The following PKD1 variants were observed in gnomAD, a reference collection of about 807,000 sequenced individuals.
PKD1 encodes the protein polycystin 1, transient receptor potential channel interacting, also known as polycystin-1.
In PKD1, 81 loss-of-function variants were observed where a neutral mutation model predicts 361.7. That is an observed-to-expected ratio of 0.22 (90% CI 0.19 to 0.27). The LOEUF (loss-of-function observed/expected upper bound fraction) is 0.27, where lower values mean the gene tolerates loss of function less well. PKD1 is among the 10% of genes least tolerant of loss of function. The pLI, the probability that PKD1 is intolerant of heterozygous loss-of-function variation, is 1.00. For missense variants in PKD1, 6,399 were observed against 6,118.3 expected (o/e 1.05, Z -1.53); for synonymous variants, 3,615 against 2,818.3 (o/e 1.28, Z -8.95).
rs1230521725 is a variant in PKD1 at position 2,103,608 on chromosome 16, C to T, written c.8449G>A (p.Ala2817Thr). The change falls in exon 23 of 46, where the codon GCC becomes ACC. Residue 2817 changes from alanine to threonine, a missense_variant. Ala to Thr is a moderately conservative substitution (Grantham distance 58, BLOSUM62 0). Transcript: ENST00000262304. ...AGCTGCACCACGTCACTGAGGTTGG[C>T]CAGGGCCCCGCTGAAAGCCTCGGGG... ...SIPEAFSGAL[A>T]NLSDVVQLIF... 6.2e-7 allele frequency: 1 copy of T among 1,610,470 alleles called. No homozygotes were observed. Among genetic ancestry groups the T allele is most frequent in the Middle Eastern group, 2.3e-4 (1 of 4,430 alleles).
At position 2,112,971 on chromosome 16, in the gene PKD1, G is replaced by A. The variant is rs1359753339; in HGVS notation, c.2986-8C>T. ...GTGGTTGGAGGCCGTCAGCTGCAGG[G>A]ACAGGCGTCAGTGAGCCCAGGTGGC... On this transcript the variant is annotated splice_polypyrimidine_tract_variant and splice_region_variant and intron_variant, in intron 12 of 45. Coordinates refer to ENST00000262304, the MANE Select transcript of PKD1 (RefSeq NM_001009944.3). 15 of 1,597,602 alleles carry A rather than the reference G, an allele frequency of 9.4e-6. No individual in the cohort carries two copies. The highest frequency in any genetic ancestry group is 2.2e-4 in the Middle Eastern group (1 of 4,448).
chr16:2,093,316 C>A (rs1049714126), intron 37 of PKD1: 1 of 676,330 alleles, frequency 1.5e-6, no homozygotes, highest in Non-Finnish European at 2.5e-6. Context: ...TGCTTAGGGG[C>A]CTTCAGGGCC....
chr16:2,103,242 G>A (rs759899725), intron 23 of PKD1, 24 bp downstream of exon 23: 14 of 1,607,750 alleles, frequency 8.7e-6, no homozygotes, highest in Middle Eastern at 4.5e-4. Context: ...AGGGGGCCGC[G>A]TGTGCCCCAC....
rs1422578175 is a variant in PKD1, at chr16:2,099,724, C to T, written c.9970G>A (p.Ala3324Thr). 59 of 1,570,070 alleles carry T rather than the reference C, an allele frequency of 3.8e-5. No homozygotes were observed. The highest frequency in any genetic ancestry group is 4.7e-5 in the Non-Finnish European group (55 of 1,160,042). Reference protein sequence around the residue: ...RLSPLSVDTVAVGLVSSVVVY... With the variant: ...RLSPLSVDTVTVGLVSSVVVY... The stretch of plus-strand genomic sequence containing the variant: ...ACCACGCTGGACACCAGGCCAACAG[C>T]GACTGTGTCGACGCTCAGCGGGCTC... The change falls in exon 30 of 46, where the codon GCT becomes ACT. Residue 3324 changes from alanine (A) to threonine (T), a missense_variant. By Grantham distance (58) the Ala-to-Thr change is moderately conservative. Coordinates refer to ENST00000262304, the MANE Select transcript of PKD1 (RefSeq NM_001009944.3).
Position 2,110,570 on chromosome 16 carries a change from C to A in PKD1, c.4597G>T (p.Val1533Leu), listed in dbSNP as rs778977119. ...TTGAGCCAGGCCTCGCTGCGGCTCA[C>A]CTCATTCCAGCCGGCCACCCTAACG... ...FTVRVAGWNE[V>L]SRSEAWLNVT... Residue 1533 changes from valine (V) to leucine (L), a missense_variant, in exon 15 of 46, where the codon GTG (valine) becomes TTG (leucine). Coordinates refer to ENST00000262304, the MANE Select transcript of PKD1 (RefSeq NM_001009944.3). 6.2e-7 allele frequency: 1 copy of A among 1,611,132 alleles called. No individual in the cohort carries two copies. Among genetic ancestry groups the A allele is most frequent in the African/African-American group, 1.3e-5 (1 of 74,996 alleles).
rs762974428 is a variant in PKD1 at position 2,114,646 on chromosome 16, G to A, written c.2377C>T (p.Pro793Ser). Residue 793 changes from proline to serine, a missense_variant, in exon 11 of 46, where the codon CCT (proline) becomes TCT (serine). Transcript: ENST00000262304. ...TCTGCCCGGACCTCATAGCGCCCAG[G>A]CAGCCGCAGTCCAGGGTTGGGCCTC... ...GLRPNPGLRL[P>S]GRYEVRAEVG... The A allele has an allele frequency of 3.8e-6, 6 of 1,559,312 alleles. No homozygotes were observed. Among genetic ancestry groups the A allele is most frequent in the Admixed American group, 3.7e-5 (2 of 54,180 alleles).
Position 2,091,566 on chromosome 16 carries a change from A to G in PKD1, c.11569T>C (p.Tyr3857His). 1 of 1,544,384 alleles carries G rather than the reference A, an allele frequency of 6.5e-7. No individual in the cohort carries two copies. The highest frequency in any genetic ancestry group is 8.7e-7 in the Non-Finnish European group (1 of 1,155,714). The change falls in exon 42 of 46, where the codon TAC becomes CAC. Residue 3857 changes from tyrosine to histidine, a missense_variant. Tyr to His is a moderately conservative substitution (Grantham distance 83, BLOSUM62 2). Coordinates refer to ENST00000262304, the MANE Select transcript of PKD1 (RefSeq NM_001009944.3). ...SRAVFLELTR[Y>H]SPAVGLHAAV... is the part of the protein sequence containing the mutation. ...GCGTGCAGCCCCACGGCCGGGCTGT[A>G]GCGCGTGAGCTCCAGGAACACAGCG...
At chr16:2,093,761 G>C (rs774369120) in intron 36 of PKD1, 23 bp from the exon 37 acceptor site, 17 of 1,566,330 alleles carry the variant, frequency 1.1e-5, no homozygotes, top group Admixed American at 1.8e-5. Flanking sequence ...TGGCTTCAGA[G>C]GGGTCCCCCG....
chr16:2,091,769 G>T lies in PKD1; in HGVS notation c.11537+12C>A, dbSNP rs1400762637. 6.2e-7 allele frequency: 1 copy of T among 1,609,834 alleles called. No individual in the cohort carries two copies. The highest frequency in any genetic ancestry group is 8.5e-7 in the Non-Finnish European group (1 of 1,179,242). The stretch of plus-strand genomic sequence containing the variant: ...CGGCCACCCCGGAGAGGGCAGGGGA[G>T]GGAGCTCCCACCTGTTGTCCAGCCA... On this transcript the variant is annotated intron_variant, in intron 41 of 45. Transcript: ENST00000262304.
chr16:2,088,910 T>A lies in PKD1; in HGVS notation c.*817A>T. ...ACACACACACACACAGTCACCTTCC[T>A]CCACCCTGGGAGCCAGCCCCCAGGA... On this transcript the variant is annotated 3_prime_UTR_variant, in exon 46 of 46. Transcript: ENST00000262304. The A allele has an allele frequency of 2.5e-6, 1 of 400,374 alleles. No homozygotes were observed. The allele number at this position is 400,374 out of a possible 1,614,324, so 24.8% of individuals were successfully genotyped here. A position where few individuals can be genotyped will look rare whatever the true frequency, so the allele number is the denominator to read the frequency against.
rs376160782 is a variant in PKD1 at position 2,102,547 on chromosome 16, G to A, written c.9035C>T (p.Thr3012Met). The change falls in exon 25 of 46, where the codon ACG (threonine) becomes ATG (methionine). Residue 3012 changes from threonine to methionine, a missense_variant. Coordinates refer to ENST00000262304, the MANE Select transcript of PKD1 (RefSeq NM_001009944.3). ...CTCGCTGAAGTACTGGCACAGGGAC[G>A]TGTACAGGCCCACGGACACCTGCAG... ...SALQVSVGLY[T>M]SLCQYFSEED... The A allele has an allele frequency of 9.7e-5, 157 of 1,610,486 alleles. 1 individual carries two copies. Among genetic ancestry groups the A allele is most frequent in the Middle Eastern group, 6.4e-4 (3 of 4,718 alleles).
At position 2,110,623 on chromosome 16, in the gene PKD1, T is replaced by G. The variant is rs2092477293; in HGVS notation, c.4544A>C (p.His1515Pro). 1 of 1,610,208 alleles carries G rather than the reference T, an allele frequency of 6.2e-7. No individual in the cohort carries two copies. ...GGWLEGPEVT[H>P]AYNSTGDFTV... Reference sequence around the variant, plus strand: ...GAAGTCACCTGTGCTGTTGTAAGCGTGGGTGACCTCCGGACCCTCGAGCCA... The same window carrying G: ...GAAGTCACCTGTGCTGTTGTAAGCGGGGGTGACCTCCGGACCCTCGAGCCA... Residue 1515 changes from histidine to proline, a missense_variant, in exon 15 of 46, where the codon CAC becomes CCC. Physicochemically the swap from His to Pro is moderately conservative, Grantham distance 77 (BLOSUM62 -2). Transcript: ENST00000262304.
rs2549675 is a variant in PKD1, at chr16:2,114,427, C to T, written c.2596G>A (p.Val866Ile). Residue 866 changes from valine to isoleucine, a missense_variant, in exon 11 of 46, where the codon GTC (valine) becomes ATC (isoleucine). Val to Ile is a conservative substitution (Grantham distance 29). Coordinates refer to ENST00000262304, the MANE Select transcript of PKD1 (RefSeq NM_001009944.3). Reference sequence around the variant, plus strand: ...CAGACATTCTCAAAGCGGGCGCTGACACTGCCCCCAGGCCAGCGAGCCGTG... The same window carrying T: ...CAGACATTCTCAAAGCGGGCGCTGATACTGCCCCCAGGCCAGCGAGCCGTG... ...TATARWPGGS[V>I]SARFENVCPA... 1 of 1,601,770 alleles carries T rather than the reference C, an allele frequency of 6.2e-7. No homozygotes were observed. The highest frequency in any genetic ancestry group is 8.5e-7 in the Non-Finnish European group (1 of 1,179,570).
rs369291413 is a variant in PKD1, at chr16:2,091,170, C to G, written c.11717G>C (p.Cys3906Ser). The change falls in exon 43 of 46, where the codon TGC (cysteine) becomes TCC (serine). Residue 3906 changes from cysteine (C) to serine (S), a missense_variant. Physicochemically the swap from Cys to Ser is moderately radical, Grantham distance 112. Coordinates refer to ENST00000262304, the MANE Select transcript of PKD1 (RefSeq NM_001009944.3). ...GLSLPLLTSV[C>S]LLLFAVHFAV... ...GAAGTGCACGGCGAACAGCAGCAGGCACACCTGTGGGGGGCGCGGTCAGGA... is the reference window on the plus strand; with the variant it reads ...GAAGTGCACGGCGAACAGCAGCAGGGACACCTGTGGGGGGCGCGGTCAGGA... The G allele has an allele frequency of 2.2e-6, 3 of 1,393,316 alleles. No individual in the cohort carries two copies. Among genetic ancestry groups the G allele is most frequent in the South Asian group, 1.4e-5 (1 of 73,502 alleles). 86.3% of individuals were successfully genotyped at this position (1,393,316 alleles called of 1,614,324 possible). A position where few individuals can be genotyped will look rare whatever the true frequency, so the allele number is the denominator to read the frequency against.
rs370498086 is a variant in PKD1 at position 2,097,358 on chromosome 16, C to T, written c.10366G>A (p.Ala3456Thr). ...GATTTGGCAGGCGAGTAGGGGCTGGCCAGGGAGAAGCCGTCCTCCTCTGGG... is the reference window on the plus strand; with the variant it reads ...GATTTGGCAGGCGAGTAGGGGCTGGTCAGGGAGAAGCCGTCCTCCTCTGGG... The part of the protein sequence containing the change: ...LGPEEDGFSL[A>T]SPYSPAKSFS... The change falls in exon 33 of 46, where the codon GCC becomes ACC. Residue 3456 changes from alanine (A) to threonine (T), a missense_variant. Transcript: ENST00000262304. 2.0e-5 allele frequency: 33 copies of T among 1,612,038 alleles called. No individual in the cohort carries two copies. Among genetic ancestry groups the T allele is most frequent in the African/African-American group, 1.5e-4 (11 of 74,938 alleles).
chr16:2,114,008 C>G (rs1484496289), intron 11 of PKD1, 162 bp downstream of exon 11: 1 of 644,950 alleles, frequency 1.6e-6, no homozygotes, highest in East Asian at 2.7e-5. Flanking sequence ...TTAAAGCCCA[C>G]CAGGTAGCCC....
In PKD1 at chr16:2,118,168, G is replaced by T; in HGVS notation, c.824C>A (p.Ala275Asp). 2 of 1,569,430 alleles carry T rather than the reference G, an allele frequency of 1.3e-6. No homozygotes were observed. Among genetic ancestry groups the T allele is most frequent in the East Asian group, 2.3e-5 (1 of 42,562 alleles). The change falls in exon 5 of 46, where the codon GCC (alanine) becomes GAC (aspartate). Residue 275 changes from alanine to aspartate, a missense_variant. By Grantham distance (126) the Ala-to-Asp change is moderately radical. Coordinates refer to ENST00000262304, the MANE Select transcript of PKD1 (RefSeq NM_001009944.3). The surrounding 1 kb of genome is among the most constrained non-coding windows in gnomAD (Gnocchi z 6.0). ...AGGTCCGTGGGGCCCCACCAGGGTG[G>T]CCCCTGGGGAGGCAGGGAAGACGTG... ...LQHVFPASPGATLVGPHGPLA... is the reference protein window; with the variant it reads ...LQHVFPASPGDTLVGPHGPLA...
At position 2,123,551 on chromosome 16, in the gene PKD1, C is replaced by T. The variant is rs568723696; in HGVS notation, c.216-4173G>A. 3.5e-4 allele frequency: 161 copies of T among 455,718 alleles called. 1 individual carries two copies. The highest frequency in any genetic ancestry group is 2.8e-3 in the African/African-American group (138 of 50,178). The allele number at this position is 455,718 out of a possible 1,614,324, so 28.2% of individuals were successfully genotyped here. On this transcript the variant is annotated intron_variant, in intron 1 of 45. Transcript: ENST00000262304. ...ACGCCAAGGCCTAGCCAGGCAGCCT[C>T]GCGCCAGCCCCCCCACCCCGCCCCT...
chr16:2,108,940 G>A lies in PKD1; in HGVS notation c.6227C>T (p.Ser2076Leu), dbSNP rs758919000. The A allele has an allele frequency of 3.7e-5, 59 of 1,604,044 alleles. No homozygotes were observed. Among genetic ancestry groups the A allele is most frequent in the African/African-American group, 1.9e-4 (14 of 74,678 alleles). Residue 2076 changes from serine (S) to leucine (L), a missense_variant, in exon 15 of 46, where the codon TCG becomes TTG. Transcript: ENST00000262304. ...LQSGPCFTNR[S>L]AQFEAATSPS... ...GCTGGTGGCGGCCTCAAACTGCGCC[G>A]AGCGGTTGGTGAAGCAGGGGCCGCT...
Sources: gnomAD v4.1 joint callset for allele counts on GRCh38, gnomAD v4.1.1 for gene constraint, Gnocchi (gnomAD v3.1) non-coding constraint, MANE v1.5 for transcripts, NCBI Gene and HGNC (gene_info 2026-07-23, HGNC 2026-07-21) for gene names.